Variants in FHIT observed in about 807,000 individuals in gnomAD.
The protein encoded by FHIT is bis(5'-adenosyl)-triphosphatase.
FHIT carries 19 observed loss-of-function variants against 17.9 expected under a neutral mutation model. That is an observed-to-expected ratio of 1.06 (90% CI 0.74 to 1.56). FHIT has a LOEUF of 1.56. Among genes scored for constraint, FHIT ranks in the 40% most tolerant of loss-of-function variants. The pLI is 0.00. For missense variants in FHIT, 248 were observed against 189.2 expected, an observed-to-expected ratio of 1.31 and a Z score of -1.82; for synonymous variants, 81 against 69.7, an observed-to-expected ratio of 1.16 and a Z score of -0.81.
chr3:60,529,823 A>C (rs374920816), intron 5 of FHIT, among the ~76,000 whole-genome samples: 4 of 152,238 alleles, frequency 2.6e-5, no homozygotes, highest in Non-Finnish European at 5.9e-5. Context: ...GTCTAGATAC[A>C]TATAATTATC....
At chr3:60,392,707 G>A (rs1701280537) in intron 5 of FHIT, among the ~76,000 whole-genome samples, 1 of 152,152 alleles carries the variant, frequency 6.6e-6, no homozygotes. Context: ...AATTATAACA[G>A]GAGATGGAAC....
At chr3:59,803,778 A>ATAAT (rs1700091877) in intron 8 of FHIT, among the ~76,000 whole-genome samples, 2 of 152,294 alleles carry the variant, frequency 1.3e-5, no homozygotes, top group South Asian at 2.1e-4. Context: ...TTGCCAGGTA[A>ATAAT]TAATAAATCC....
At chr3:61,153,895 T>C (rs1467952250) in intron 2 of FHIT, among the ~76,000 whole-genome samples, 1 of 152,218 alleles carries the variant, frequency 6.6e-6, no homozygotes, top group Non-Finnish European at 1.5e-5. Context: ...AAAAATGAAA[T>C]ATGTAAACAC....
chr3:60,093,223 C>T lies in FHIT; in HGVS notation c.104-79071G>A, dbSNP rs74451250. Among the ~76,000 whole-genome samples, 802 of 152,264 alleles carry T rather than the reference C, an allele frequency of 5.3e-3. 10 individuals are homozygous for T. Among genetic ancestry groups the T allele is most frequent in the African/African-American group, 0.018 (751 of 41,556 alleles). On this transcript the variant is annotated intron_variant, in intron 5 of 9. Transcript: ENST00000492590. ...GACGCAGGTCTAAAATCAAGTTGTG[C>T]GCAGAGGTGACTTCCTTTCCAGAGG...
chr3:60,372,942 G>A (rs2687159), intron 5 of FHIT, among the ~76,000 whole-genome samples: 5,239 of 152,128 alleles, frequency 0.034, 144 homozygotes, highest in African/African-American at 0.078. Flanking sequence ...ATCCACTGGT[G>A]GTGTGTTCAT....
At chr3:60,236,403 A>G (rs1452896363) in intron 5 of FHIT, among the ~76,000 whole-genome samples, 1 of 151,888 alleles carries the variant, frequency 6.6e-6, no homozygotes, top group East Asian at 1.9e-4. Flanking sequence ...GCAAGCCAAC[A>G]GCACCCTTCA....
At chr3:59,863,973 C>T (rs528036777) in intron 8 of FHIT, among the ~76,000 whole-genome samples, 1 of 152,180 alleles carries the variant, frequency 6.6e-6, no homozygotes, top group East Asian at 1.9e-4. Flanking sequence ...CTTGCCATGG[C>T]CAATGAAGGA....
intron 5 of FHIT, among the ~76,000 whole-genome samples, chr3:60,204,103 G>T (rs1576303526): frequency 6.6e-6 from 1 of 152,042 alleles, no homozygotes; most frequent in East Asian, 1.9e-4. Flanking sequence ...CTAACACAAA[G>T]GAAAAATGCT....
intron 5 of FHIT, among the ~76,000 whole-genome samples, chr3:60,035,367 G>T (rs1434375463): frequency 6.6e-6 from 1 of 152,166 alleles, no homozygotes; most frequent in Non-Finnish European, 1.5e-5. Context: ...CTCCCGAGTA[G>T]CTGGGATTAC....
chr3:60,277,743 G>C (rs1707225753), intron 5 of FHIT, among the ~76,000 whole-genome samples: 2 of 150,338 alleles, frequency 1.3e-5, no homozygotes, highest in Admixed American at 6.6e-5. Flanking sequence ...TCTCAAGAGA[G>C]AAAGCTGTTC....
At chr3:60,981,294 C>A (rs898142895) in intron 3 of FHIT, among the ~76,000 whole-genome samples, 3 of 92,276 alleles carry the variant, frequency 3.3e-5, no homozygotes, top group African/African-American at 8.9e-5. Flanking sequence ...TTTCTTCCTT[C>A]CTTTTTTTTT....
intron 7 of FHIT, among the ~76,000 whole-genome samples, chr3:59,979,546 T>C (rs890300806): frequency 2.0e-4 from 31 of 152,066 alleles, no homozygotes; most frequent in African/African-American, 6.8e-4. Context: ...ACATTTTTTT[T>C]CCTATGGATC....
At chr3:60,365,881 C>T (rs1301741039) in intron 5 of FHIT, among the ~76,000 whole-genome samples, 2 of 152,060 alleles carry the variant, frequency 1.3e-5, no homozygotes, top group Non-Finnish European at 1.5e-5. Flanking sequence ...ACAAAATATA[C>T]CTGATTAACA....
At chr3:60,676,739 C>T (rs538583048) in intron 4 of FHIT, among the ~76,000 whole-genome samples, 5 of 152,158 alleles carry the variant, frequency 3.3e-5, no homozygotes, top group Admixed American at 6.6e-5. Flanking sequence ...TTGACCATTC[C>T]CTGAAAATCC....
chr3:60,235,484 C>T (rs1485622156), intron 5 of FHIT, among the ~76,000 whole-genome samples: 6 of 152,076 alleles, frequency 3.9e-5, no homozygotes, highest in Non-Finnish European at 8.8e-5. Flanking sequence ...CTGGCCTCAG[C>T]CCCCAAAGTG....
At chr3:60,353,097 A>T (rs1313856112) in intron 5 of FHIT, among the ~76,000 whole-genome samples, 1 of 152,144 alleles carries the variant, frequency 6.6e-6, no homozygotes, top group Non-Finnish European at 1.5e-5. Flanking sequence ...CATTTTTCCT[A>T]AAAAAATTTC....
intron 4 of FHIT, chr3:60,690,316 C>G: frequency 1.8e-6 from 1 of 564,148 alleles, no homozygotes; most frequent in Non-Finnish European, 3.5e-6. Flanking sequence ...AATATCCATG[C>G]CTTCTTTCAC....
chr3:60,267,062 C>T (rs958622239), intron 5 of FHIT, among the ~76,000 whole-genome samples: 1 of 151,916 alleles, frequency 6.6e-6, no homozygotes, highest in Non-Finnish European at 1.5e-5. Flanking sequence ...AGATAAGGGA[C>T]AGAAGAAGAG....
intron 2 of FHIT, among the ~76,000 whole-genome samples, chr3:61,090,034 G>C (rs562656579): frequency 2.0e-5 from 3 of 152,126 alleles, no homozygotes; most frequent in Non-Finnish European, 4.4e-5. Context: ...TTCACTCGTG[G>C]TGAAATGCCA....
Sources: allele counts gnomAD v4.1 joint callset (sites outside exome capture counted in the v4.1 genomes callset), GRCh38; gene constraint gnomAD v4.1.1; transcripts MANE v1.5; gene names NCBI Gene and HGNC (gene_info 2026-07-23, HGNC 2026-07-21).